Variants in FMN1 observed in about 807,000 individuals in gnomAD.
The protein encoded by FMN1 is formin-1.
Under a neutral mutation model 132.4 loss-of-function variants are expected in FMN1, and 110 were observed. The ratio of observed to expected loss-of-function variants is 0.83; its 90% CI spans 0.71 to 0.97. The LOEUF is 0.97. Among genes scored for constraint, FMN1 ranks in the 50% least tolerant of loss-of-function variants. The pLI is 0.00. For missense variants in FMN1, 1,792 were observed against 1,705.3 expected, an observed-to-expected ratio of 1.05 and a Z score of -0.90; for synonymous variants, 722 against 651.7, an observed-to-expected ratio of 1.11 and a Z score of -1.64.
intron 17 of FMN1, 37 bp downstream of exon 17, chr15:32,856,978 A>C: frequency 7.0e-7 from 1 of 1,431,468 alleles, no homozygotes; most frequent in Non-Finnish European, 9.9e-7. Flanking sequence ...AGGATGTTTC[A>C]GGGCCACGTG....
intron 16 of FMN1, among the ~76,000 whole-genome samples, chr15:32,886,535 C>T (rs577076043): frequency 1.1e-3 from 165 of 152,294 alleles, no homozygotes; most frequent in African/African-American, 3.8e-3. Flanking sequence ...GCTCGCCTCC[C>T]AGTTCACTCC....
chr15:32,985,320 C>G (rs755437608), intron 7 of FMN1, among the ~76,000 whole-genome samples: 24 of 152,114 alleles, frequency 1.6e-4, no homozygotes, highest in Non-Finnish European at 2.9e-4. Context: ...CTCTTCCTCC[C>G]TTTGAGATTA....
intron 6 of FMN1, among the ~76,000 whole-genome samples, chr15:33,014,536 C>T (rs1034060686): frequency 1.3e-5 from 2 of 152,094 alleles, no homozygotes; most frequent in Non-Finnish European, 2.9e-5. Context: ...TAATCTATTC[C>T]ACAAGAAACA....
At chr15:33,077,501 C>T (rs915348130) in intron 5 of FMN1, among the ~76,000 whole-genome samples, 1 of 151,790 alleles carries the variant, frequency 6.6e-6, no homozygotes, top group Non-Finnish European at 1.5e-5. Flanking sequence ...TCTCATAATG[C>T]TATCCCTCCC....
chr15:32,811,163 T>C (rs2057863767), intron 17 of FMN1: 1 of 451,480 alleles, frequency 2.2e-6, no homozygotes, highest in Admixed American at 2.4e-5. Context: ...CAGTTTGTGA[T>C]GCAGAGTTCT....
intron 6 of FMN1, among the ~76,000 whole-genome samples, chr15:33,035,989 C>T (rs8030416): frequency 0.18 from 28,102 of 152,106 alleles, 2,778 homozygotes; most frequent in Middle Eastern, 0.24. Context: ...TTAGCACACT[C>T]AGCCCCTTCA....
chr15:32,937,648 T>C (rs1203585419), intron 9 of FMN1, among the ~76,000 whole-genome samples: 1 of 152,166 alleles, frequency 6.6e-6, no homozygotes, highest in Non-Finnish European at 1.5e-5. Flanking sequence ...TTCCACCAAA[T>C]ATGCTCCCAG....
intron 4 of FMN1, among the ~76,000 whole-genome samples, chr15:33,099,843 A>C (rs2039227619): frequency 6.6e-6 from 1 of 152,214 alleles, no homozygotes; most frequent in South Asian, 2.1e-4. Context: ...GCATTTTTCC[A>C]AGCTTTGAGG....
At chr15:33,183,691 C>T (rs1049925539) in intron 2 of FMN1, among the ~76,000 whole-genome samples, 1 of 152,134 alleles carries the variant, frequency 6.6e-6, no homozygotes, top group Admixed American at 6.6e-5. Flanking sequence ...AAATAGCATA[C>T]CCAGAGGTTG....
chr15:33,084,453 G>A (rs2038610660), intron 5 of FMN1, among the ~76,000 whole-genome samples: 1 of 152,156 alleles, frequency 6.6e-6, no homozygotes, highest in Non-Finnish European at 1.5e-5. Flanking sequence ...AGGTGTGGCA[G>A]TTTTGTGGGA....
chr15:32,908,511 T>C lies in FMN1; in HGVS notation c.3356A>G (p.Lys1119Arg). 1.2e-6 allele frequency: 2 copies of C among 1,611,842 alleles called. No individual in the cohort carries two copies. Among genetic ancestry groups the C allele is most frequent in the Non-Finnish European group, 1.7e-6 (2 of 1,178,276 alleles). ...YYETSKEEEL[K>R]LLDKPEQFLH... ...TTACTGCTCAGGTTTATCCAGCAGC[T>C]TCAGTTCTTCTTCTTTGGATGTCTC... Residue 1119 changes from lysine to arginine, a missense_variant, in exon 12 of 21, where the codon AAG becomes AGG. Physicochemically the swap from Lys to Arg is conservative, Grantham distance 26. Around this residue, in one of 3 missense-constraint regions of FMN1, gnomAD observed 1,150 missense variants for 1,043.1 expected, o/e 1.10. Transcript: ENST00000616417.
intron 16 of FMN1, among the ~76,000 whole-genome samples, chr15:32,857,705 T>G (rs186387296): frequency 6.6e-6 from 1 of 152,334 alleles, no homozygotes; most frequent in African/African-American, 2.4e-5. Flanking sequence ...TAATTTTACA[T>G]AATTTACTTC....
chr15:33,040,429 GAA>G lies in FMN1; in HGVS notation c.2161+24526_2161+24527del, dbSNP rs527365803. The stretch of plus-strand genomic sequence containing the variant: ...TCACAGTGGCAAAAACAACAAAACA[GAA>G]AAAAACCATTAAGTGCTTGATTCCA... On this transcript the variant is annotated intron_variant, in intron 6 of 20. Coordinates refer to ENST00000616417, the MANE Select transcript of FMN1 (RefSeq NM_001277313.2). Among the ~76,000 whole-genome samples, 324 of 152,146 alleles carry G rather than the reference GAA, an allele frequency of 2.1e-3. 1 individual carries two copies. Among genetic ancestry groups the G allele is most frequent in the African/African-American group, 7.5e-3 (312 of 41,532 alleles).
chr15:33,011,730 T>C (rs1255765725), intron 6 of FMN1, among the ~76,000 whole-genome samples: 4 of 152,094 alleles, frequency 2.6e-5, no homozygotes, highest in African/African-American at 7.2e-5. Flanking sequence ...AGTGTAAATA[T>C]ATAAATGCAT....
At chr15:33,013,583 A>G (rs943072835) in intron 6 of FMN1, among the ~76,000 whole-genome samples, 6 of 152,240 alleles carry the variant, frequency 3.9e-5, no homozygotes, top group Non-Finnish European at 7.3e-5. Context: ...CTTTATGCAT[A>G]TCTAACATTA....
chr15:32,828,270 T>A (rs1295141492), intron 17 of FMN1, among the ~76,000 whole-genome samples: 1 of 152,190 alleles, frequency 6.6e-6, no homozygotes, highest in African/African-American at 2.4e-5. Context: ...CAAGACTCTG[T>A]TTCAAAAAGA....
At chr15:33,110,301 CAA>C (rs1183274577) in intron 4 of FMN1, among the ~76,000 whole-genome samples, 1 of 151,728 alleles carries the variant, frequency 6.6e-6, no homozygotes, top group East Asian at 1.9e-4. Flanking sequence ...ATAACTGAAA[CAA>C]TATTTATGAA....
chr15:32,981,494 G>A (rs900031081), intron 7 of FMN1, among the ~76,000 whole-genome samples: 2 of 148,456 alleles, frequency 1.3e-5, no homozygotes, highest in Non-Finnish European at 3.0e-5. Flanking sequence ...CTCCAGCCTG[G>A]GCAACAGAGC....
In FMN1 at chr15:32,901,956, G is replaced by A; in HGVS notation, c.3462C>T (p.Ile1154=). Residue 1154 remains isoleucine (I), a synonymous_variant, in exon 13 of 21, where the codon ATC becomes ATT. Transcript: ENST00000616417. ...IIFRSVFSEG[I]TSLHRKVEII... is the part of the protein sequence containing the mutation. ...TCTCTACCTTTCTGTGCAAGGAGGT[G>A]ATACCCTCAGAAAAGACAGATCTGA... The A allele has an allele frequency of 6.2e-7, 1 of 1,613,356 alleles. No individual in the cohort carries two copies. The highest frequency in any genetic ancestry group is 1.3e-5 in the African/African-American group (1 of 75,034).
Sources: allele counts gnomAD v4.1 joint callset (sites outside exome capture counted in the v4.1 genomes callset), GRCh38; gene constraint gnomAD v4.1.1; regional missense constraint gnomAD v4.1.1; transcripts MANE v1.5; gene names NCBI Gene and HGNC (gene_info 2026-07-23, HGNC 2026-07-21).